The following MTTP variants were observed in gnomAD, a reference collection of about 807,000 sequenced individuals.
MTTP encodes the protein microsomal triglyceride transfer protein, also known as microsomal triglyceride transfer protein large subunit.
A neutral mutation model predicts 90.6 loss-of-function variants in MTTP; 49 were observed. That is an observed-to-expected ratio of 0.54 (90% CI 0.43 to 0.69). MTTP has a LOEUF of 0.69. MTTP is among the 30% of genes least tolerant of loss of function. The pLI, the probability that MTTP is intolerant of heterozygous loss-of-function variation, is 0.00. For missense variants in MTTP, 945 were observed against 1,067.5 expected, an observed-to-expected ratio of 0.89 and a Z score of 1.60; for synonymous variants, 347 against 384.2, an observed-to-expected ratio of 0.90 and a Z score of 1.13.
chr4:99,580,061 AGAAAG>A (rs1725067396), intron 1 of MTTP, among the ~76,000 whole-genome samples: 1 of 149,994 alleles, frequency 6.7e-6, no homozygotes, highest in Admixed American at 6.7e-5. Flanking sequence ...AAAAAAGTAA[AGAAAG>A]AAGAAGAAAC....
intron 4 of MTTP, among the ~76,000 whole-genome samples, chr4:99,590,706 C>A (rs889860165): frequency 2.0e-5 from 3 of 152,152 alleles, no homozygotes; most frequent in Non-Finnish European, 2.9e-5. Context: ...TAGACAGAGT[C>A]TGTATTGGGA....
intron 3 of MTTP, among the ~76,000 whole-genome samples, chr4:99,587,487 G>A (rs1725286452): frequency 6.6e-6 from 1 of 152,160 alleles, no homozygotes; most frequent in East Asian, 1.9e-4. Flanking sequence ...TTGATCCATT[G>A]CAGTGGGTCA....
intron 1 of MTTP, chr4:99,564,404 A>C: frequency 6.2e-6 from 4 of 647,068 alleles, no homozygotes; most frequent in South Asian, 2.7e-5. Context: ...TACATAACTC[A>C]AGTGGAAAAT....
intron 10 of MTTP, among the ~76,000 whole-genome samples, chr4:99,603,862 T>C (rs994070954): frequency 6.6e-6 from 1 of 152,098 alleles, no homozygotes; most frequent in Non-Finnish European, 1.5e-5. Flanking sequence ...TCATGTAGCA[T>C]AAGGAAACAG....
At chr4:99,620,362 T>C (rs1726199847) in intron 16 of MTTP, among the ~76,000 whole-genome samples, 1 of 152,200 alleles carries the variant, frequency 6.6e-6, no homozygotes, top group Admixed American at 6.5e-5. Flanking sequence ...TCAATTACAG[T>C]AGAAGTAAGT....
At position 99,582,044 on chromosome 4, in the gene MTTP, A is replaced by C. The variant is rs200642258; in HGVS notation, c.201A>C (p.Leu67Phe). ...TTTCCTCCAACGTGGATGTGGCCTT[A>C]CTATGGAGGAATCCTGATGGTGATG... ...YRISSNVDVA[L>F]LWRNPDGDDD... The change falls in exon 2 of 18, where the codon TTA (leucine) becomes TTC (phenylalanine). Residue 67 changes from leucine (L) to phenylalanine (F), a missense_variant. By Grantham distance (22) the Leu-to-Phe change is conservative. Coordinates refer to ENST00000265517, the MANE Select transcript of MTTP (RefSeq NM_001386140.1). The C allele has an allele frequency of 4.3e-6, 7 of 1,614,204 alleles. No homozygotes were observed. Among genetic ancestry groups the C allele is most frequent in the Non-Finnish European group, 5.1e-6 (6 of 1,180,018 alleles).
chr4:99,597,025 C>T, intron 7 of MTTP, 42 bp from the exon 8 acceptor site: 1 of 1,611,176 alleles, frequency 6.2e-7, no homozygotes, highest in Non-Finnish European at 8.5e-7. Context: ...TGGATGTTCA[C>T]AGTTATGAGT....
intron 17 of MTTP, 93 bp from the exon 18 acceptor site, chr4:99,622,584 A>G: frequency 7.2e-7 from 1 of 1,384,202 alleles, no homozygotes. Context: ...GCTTTGGAAC[A>G]GAAACTTCAA....
chr4:99,581,135 T>G (rs955292814), intron 1 of MTTP, among the ~76,000 whole-genome samples: 1 of 152,186 alleles, frequency 6.6e-6, no homozygotes, highest in African/African-American at 2.4e-5. Flanking sequence ...TTAAGTCATC[T>G]CTGGGAAAGA....
chr4:99,612,915 G>A lies in MTTP; in HGVS notation c.1992G>A (p.Val664=). The change falls in exon 15 of 18, where the codon GTG becomes GTA. Residue 664 remains valine (V), a splice_region_variant and synonymous_variant. Transcript: ENST00000265517. ...IGKAGLHGSQ[V]VIEAQGLEAL... Reference sequence around the variant, plus strand: ...AACATTATATTGATTTTATCCAGGTGGTTATTGAAGCCCAAGGACTGGAAG... The same window carrying A: ...AACATTATATTGATTTTATCCAGGTAGTTATTGAAGCCCAAGGACTGGAAG... 1 of 1,613,378 alleles carries A rather than the reference G, an allele frequency of 6.2e-7. No homozygotes were observed. The highest frequency in any genetic ancestry group is 1.1e-5 in the South Asian group (1 of 91,058).
chr4:99,606,660 C>A, intron 10 of MTTP, 88 bp from the exon 11 acceptor site: 1 of 1,365,832 alleles, frequency 7.3e-7, no homozygotes, highest in Non-Finnish European at 1.0e-6. Context: ...CTGTAGGTTG[C>A]TTTCTTGGAC....
intron 4 of MTTP, among the ~76,000 whole-genome samples, chr4:99,590,282 G>T (rs965288649): frequency 3.3e-5 from 5 of 152,108 alleles, no homozygotes; most frequent in African/African-American, 1.2e-4. Context: ...TAGAGACAGG[G>T]TTTCACCATG....
intron 14 of MTTP, 134 bp downstream of exon 14, chr4:99,611,587 G>A (rs898378112): frequency 3.9e-6 from 5 of 1,271,278 alleles, no homozygotes; most frequent in Non-Finnish European, 5.6e-6. Context: ...TTTTGCCCAT[G>A]ATTTCCTTAT....
chr4:99,588,088 A>G (rs935017011), intron 3 of MTTP, among the ~76,000 whole-genome samples: 2 of 152,166 alleles, frequency 1.3e-5, no homozygotes, highest in Non-Finnish European at 2.9e-5. Context: ...GAGTATATGT[A>G]GGAAGTAAAA....
chr4:99,613,761 A>G (rs1726022011), intron 15 of MTTP, among the ~76,000 whole-genome samples: 1 of 152,192 alleles, frequency 6.6e-6, no homozygotes, highest in African/African-American at 2.4e-5. Context: ...GTGGCCCGAA[A>G]TCTTATGATA....
upstream of MTTP, among the ~76,000 whole-genome samples, chr4:99,574,484 T>G (rs1026897852): frequency 6.6e-6 from 1 of 152,204 alleles, no homozygotes; most frequent in Non-Finnish European, 1.5e-5. Flanking sequence ...CCACATAGTA[T>G]TGTAATGTGA....
chr4:99,615,620 T>C (rs895862277), intron 15 of MTTP, among the ~76,000 whole-genome samples: 4 of 152,206 alleles, frequency 2.6e-5, no homozygotes, highest in African/African-American at 9.6e-5. Context: ...CTAGGTCAAG[T>C]GCTGACACTG....
At chr4:99,593,400 ATTG>A (rs1002355663) in intron 6 of MTTP, among the ~76,000 whole-genome samples, 12 of 152,230 alleles carry the variant, frequency 7.9e-5, no homozygotes, top group Admixed American at 5.2e-4. Flanking sequence ...TTTAAAAAAA[ATTG>A]TTGTTAAAAA....
chr4:99,591,885 T>C, intron 6 of MTTP, 95 bp downstream of exon 6: 1 of 1,122,940 alleles, frequency 8.9e-7, no homozygotes, highest in Non-Finnish European at 1.3e-6. Context: ...TGTGTGTGTG[T>C]GTGCGCGTGT....
Sources: gnomAD v4.1 joint callset for allele counts (sites outside exome capture counted in the v4.1 genomes callset) on GRCh38, gnomAD v4.1.1 for gene constraint, MANE v1.5 for transcripts, NCBI Gene and HGNC (gene_info 2026-07-23, HGNC 2026-07-21) for gene names.